UBIAD1: variants seen among roughly 807,000 people sequenced by gnomAD.
UBIAD1 encodes UbiA prenyltransferase domain containing 1.
Under a neutral mutation model 20.1 loss-of-function variants are expected in UBIAD1, and 12 were observed. The ratio of observed to expected loss-of-function variants is 0.60; its 90% CI spans 0.38 to 0.97. The LOEUF (loss-of-function observed/expected upper bound fraction) is 0.97, where lower values mean the gene tolerates loss of function less well. Among genes scored for constraint, UBIAD1 ranks in the 50% least tolerant of loss-of-function variants. UBIAD1 has a pLI of 0.00. For synonymous variants in UBIAD1, 207 were observed against 189.2 expected (o/e 1.09, Z -0.77); for missense variants, 333 against 419.5 (o/e 0.79, Z 1.80).
rs1399818974 is a variant in UBIAD1 at position 11,287,537 on chromosome 1, T to C, written c.*1406T>C. 1 of 152,258 alleles carries C rather than the reference T, an allele frequency of 6.6e-6. No individual in the cohort carries two copies. The highest frequency in any genetic ancestry group is 2.4e-5 in the African/African-American group (1 of 41,468). The allele number at this position is 152,258 out of a possible 1,614,324, so 9.4% of individuals were successfully genotyped here. The stretch of plus-strand genomic sequence containing the variant: ...TAAGGTCATGGCCTGCAGAAAATGA[T>C]GTAAGAACTAGTTCTTAATCTTTCA... On this transcript the variant is annotated 3_prime_UTR_variant, in exon 2 of 2. Transcript: ENST00000376810.
intron 1 of UBIAD1, among the ~76,000 whole-genome samples, chr1:11,280,142 A>G (rs1319459095): frequency 1.3e-5 from 2 of 152,212 alleles, no homozygotes; most frequent in Non-Finnish European, 2.9e-5. Context: ...ACGGAAGGAT[A>G]AGGAGCTGGC....
At position 11,285,722 on chromosome 1, in the gene UBIAD1, A is replaced by G. The variant is rs1488654245; in HGVS notation, c.608A>G (p.Tyr203Cys). ...TFGPLAVMFA[Y>C]AIQVGSLAIF... Reference sequence around the variant, plus strand: ...GGCCCGCTGGCTGTGATGTTCGCCTACGCCATCCAGGTGGGGTCCCTGGCC... The same window carrying G: ...GGCCCGCTGGCTGTGATGTTCGCCTGCGCCATCCAGGTGGGGTCCCTGGCC... Residue 203 changes from tyrosine to cysteine, a missense_variant, in exon 2 of 2, where the codon TAC (tyrosine) becomes TGC (cysteine). This residue lies in a region of UBIAD1 where 226 missense variants were observed against 263.5 expected (regional missense o/e 0.86). Coordinates refer to ENST00000376810, the MANE Select transcript of UBIAD1 (RefSeq NM_013319.3). This position sits in a 1 kb window ranked among gnomAD's most constrained non-coding sequence, Gnocchi z 4.4. 1.2e-5 allele frequency: 19 copies of G among 1,613,944 alleles called. No homozygotes were observed. Among genetic ancestry groups the G allele is most frequent in the Middle Eastern group, 1.6e-4 (1 of 6,082 alleles).
downstream of UBIAD1, among the ~76,000 whole-genome samples, chr1:11,297,503 G>T (rs909026811): frequency 1.3e-5 from 2 of 152,190 alleles, no homozygotes; most frequent in African/African-American, 2.4e-5. Context: ...GGGGGTGGGG[G>T]TGTCCATTTG....
At chr1:11,297,963 T>C, downstream of UBIAD1, among the ~76,000 whole-genome samples, 1 of 141,586 alleles carries the variant, frequency 7.1e-6, no homozygotes, top group Admixed American at 6.6e-5. Flanking sequence ...TTTTTTGTTT[T>C]TTTGTTTTTT....
Position 11,286,034 on chromosome 1 carries a change from A to G in UBIAD1, c.920A>G (p.Lys307Arg). 8 of 1,614,092 alleles carry G rather than the reference A, an allele frequency of 5.0e-6. No homozygotes were observed. Among genetic ancestry groups the G allele is most frequent in the Non-Finnish European group, 6.8e-6 (8 of 1,179,992 alleles). Reference sequence around the variant, plus strand: ...CAGTTTCGAAGCCAGGCCTTCAACAAACTGCCCCAGAGGACTGCCAAGCTC... The same window carrying G: ...CAGTTTCGAAGCCAGGCCTTCAACAGACTGCCCCAGAGGACTGCCAAGCTC... ...ERQFRSQAFN[K>R]LPQRTAKLNL... Residue 307 changes from lysine (K) to arginine (R), a missense_variant, in exon 2 of 2, where the codon AAA becomes AGA. Coordinates refer to ENST00000376810, the MANE Select transcript of UBIAD1 (RefSeq NM_013319.3).
At chr1:11,299,337 G>A (rs925787628), downstream of UBIAD1, among the ~76,000 whole-genome samples, 2 of 152,218 alleles carry the variant, frequency 1.3e-5, no homozygotes, top group African/African-American at 2.4e-5. Flanking sequence ...AGAGGTGCAT[G>A]CTCGGCTTGT....
chr1:11,289,927 T>G (rs1424394711), downstream of UBIAD1, among the ~76,000 whole-genome samples: 1 of 152,154 alleles, frequency 6.6e-6, no homozygotes, highest in Non-Finnish European at 1.5e-5. Context: ...AGAAGGGGTT[T>G]CACCATGTTG....
downstream of UBIAD1, among the ~76,000 whole-genome samples, chr1:11,289,656 G>T (rs1009181736): frequency 6.6e-6 from 1 of 151,932 alleles, no homozygotes; most frequent in African/African-American, 2.4e-5. Flanking sequence ...TCTGCCTCCC[G>T]GATTCAAAGC....
In UBIAD1 at chr1:11,273,504, G is replaced by GT. The variant is rs746919499; in HGVS notation, c.-28_-27insT. 22 of 1,610,152 alleles carry GT rather than the reference G, an allele frequency of 1.4e-5. No homozygotes were observed. The highest frequency in any genetic ancestry group is 1.9e-5 in the Non-Finnish European group (22 of 1,180,020). Reference sequence around the variant, plus strand: ...GGTCACTGTGCGTGGCTCACTTTTAGAGTTTACTTCAACCACGTGGAGCTT... The same window carrying GT: ...GGTCACTGTGCGTGGCTCACTTTTAGTAGTTTACTTCAACCACGTGGAGCTT... On this transcript the variant is annotated 5_prime_UTR_variant, in exon 1 of 2. Transcript: ENST00000376810. The surrounding 1 kb of genome is among the most constrained non-coding windows in gnomAD (Gnocchi z 4.9).
rs1172504641 is a variant in UBIAD1 at position 11,287,404 on chromosome 1, G to C, written c.*1273G>C. ...TGCGTTTCATTGCATTGTCTGTGAA[G>C]TATAATTTCTGGGCCAGAATTGCTC... is the stretch of plus-strand genomic sequence containing the variant. On this transcript the variant is annotated 3_prime_UTR_variant, in exon 2 of 2. Transcript: ENST00000376810. The C allele has an allele frequency of 1.3e-5, 2 of 152,234 alleles. No individual in the cohort carries two copies. The highest frequency in any genetic ancestry group is 1.3e-4 in the Admixed American group (2 of 15,278). 9.4% of individuals were successfully genotyped at this position (152,234 alleles called of 1,614,324 possible).
chr1:11,292,705 A>T (rs993485594), downstream of UBIAD1, among the ~76,000 whole-genome samples: 3 of 150,840 alleles, frequency 2.0e-5, no homozygotes, highest in African/African-American at 7.4e-5. Context: ...ACACACACAC[A>T]CACACACTCA....
downstream of UBIAD1, among the ~76,000 whole-genome samples, chr1:11,299,232 CAGTG>C (rs1194054551): frequency 2.6e-5 from 4 of 152,248 alleles, no homozygotes; most frequent in Admixed American, 1.3e-4. Flanking sequence ...ACCACAGTCA[CAGTG>C]AGAGCCACCA....
At chr1:11,275,963 A>G (rs1652009210) in intron 1 of UBIAD1, among the ~76,000 whole-genome samples, 1 of 152,070 alleles carries the variant, frequency 6.6e-6, no homozygotes, top group Admixed American at 6.6e-5. Flanking sequence ...ACGTTTGGGG[A>G]GGGTAAGGAG....
At chr1:11,289,188 G>A (rs1638321175), downstream of UBIAD1, among the ~76,000 whole-genome samples, 1 of 152,200 alleles carries the variant, frequency 6.6e-6, no homozygotes, top group Non-Finnish European at 1.5e-5. Flanking sequence ...CGGTGGGAGA[G>A]AGCTAACTGA....
At chr1:11,291,502 G>C (rs139994694), downstream of UBIAD1, among the ~76,000 whole-genome samples, 1 of 151,674 alleles carries the variant, frequency 6.6e-6, no homozygotes, top group Admixed American at 6.6e-5. Flanking sequence ...AGCGACTCGG[G>C]AGGCTGAGGC....
chr1:11,279,635 C>T (rs1346855358), intron 1 of UBIAD1, among the ~76,000 whole-genome samples: 2 of 152,156 alleles, frequency 1.3e-5, no homozygotes, highest in Non-Finnish European at 2.9e-5. Flanking sequence ...AGACTGGTCT[C>T]AAACTCCTGA....
chr1:11,285,632 T>C lies in UBIAD1; in HGVS notation c.530-12T>C. The C allele has an allele frequency of 2.5e-6, 4 of 1,614,176 alleles. No individual in the cohort carries two copies. In the East Asian group the frequency reaches 8.9e-5, roughly 36 times the overall value. On this transcript the variant is annotated splice_polypyrimidine_tract_variant and intron_variant, in intron 1 of 1. Transcript: ENST00000376810. This position sits in a 1 kb window ranked among gnomAD's most constrained non-coding sequence, Gnocchi z 4.4. ...TGGTCTCACACCAACTCTCTGGATTTTCTGGCCGCAGGAATTGGATTCAAG... is the reference window on the plus strand; with the variant it reads ...TGGTCTCACACCAACTCTCTGGATTCTCTGGCCGCAGGAATTGGATTCAAG...
chr1:11,275,207 TA>T (rs148715577), intron 1 of UBIAD1, among the ~76,000 whole-genome samples: 1,969 of 152,162 alleles, frequency 0.013, 59 homozygotes, highest in Admixed American at 0.066. Flanking sequence ...AAAGTAAAAA[TA>T]GAAAATTATA....
Position 11,286,315 on chromosome 1 carries a change from C to G in UBIAD1, c.*184C>G. On this transcript the variant is annotated 3_prime_UTR_variant, in exon 2 of 2. Transcript: ENST00000376810. ...TTGTTTTTCTGTTTTTTGTTTTTTC[C>G]ATTTTATGGGGAATTTAAAAACCAT... 1 of 773,080 alleles carries G rather than the reference C, an allele frequency of 1.3e-6. No individual in the cohort carries two copies. Among genetic ancestry groups the G allele is most frequent in the Non-Finnish European group, 2.0e-6 (1 of 491,934 alleles). 47.9% of individuals were successfully genotyped at this position (773,080 alleles called of 1,614,324 possible).
Sources: gnomAD v4.1 joint callset for allele counts (sites outside exome capture counted in the v4.1 genomes callset) on GRCh38, gnomAD v4.1.1 for gene constraint, gnomAD v4.1.1 regional missense constraint, Gnocchi (gnomAD v3.1) non-coding constraint, MANE v1.5 for transcripts, NCBI Gene and HGNC (gene_info 2026-07-23, HGNC 2026-07-21) for gene names.